PHF7: variants seen among roughly 807,000 people sequenced by gnomAD.
PHF7 encodes E3 ubiquitin-protein ligase PHF7.
A neutral mutation model predicts 47.5 loss-of-function variants in PHF7; 24 were observed. The ratio of observed to expected loss-of-function variants is 0.51; its 90% CI spans 0.37 to 0.71. The LOEUF is 0.71. PHF7 is among the 30% of genes least tolerant of loss of function. The probability of loss-of-function intolerance (pLI) is 0.00; values close to 1 mark genes in which losing one functional copy is unlikely to be tolerated. For missense variants in PHF7, 361 were observed against 456.8 expected (o/e 0.79, Z 1.91); for synonymous variants, 156 against 153.8 (o/e 1.01, Z -0.11).
At position 52,423,398 on chromosome 3, in the gene PHF7, G is replaced by A. The variant is rs1578249330; in HGVS notation, c.*81G>A. 1.2e-6 allele frequency: 1 copy of A among 844,348 alleles called. No individual in the cohort carries two copies. The highest frequency in any genetic ancestry group is 1.9e-6 in the Non-Finnish European group (1 of 524,492). 52.3% of individuals were successfully genotyped at this position (844,348 alleles called of 1,614,324 possible). A position where few individuals can be genotyped will look rare whatever the true frequency, so the allele number is the denominator to read the frequency against. On this transcript the variant is annotated 3_prime_UTR_variant, in exon 11 of 11. Transcript: ENST00000327906. ...TCGGGTTTGGGGAGGGAGCACTCTG[G>A]GACTGTGAGACAAGGAAGCAGGGCC...
rs35944133 is a variant in PHF7 at position 52,421,705 on chromosome 3, A to G, written c.631A>G (p.Lys211Glu). ...FFKCPQCNNR[K>E]EFPQEMLRMG... ...CAAATGTCCACAGTGTAACAATCGA[A>G]AAGAGTTTCCTCAAGAAATGCTGAG... The change falls in exon 8 of 11, where the codon AAA becomes GAA. Residue 211 changes from lysine (K) to glutamate (E), a missense_variant. Coordinates refer to ENST00000327906, the MANE Select transcript of PHF7 (RefSeq NM_016483.7). 2,989 of 1,609,942 alleles carry G rather than the reference A, an allele frequency of 1.9e-3. 62 individuals carry two copies. In the African/African-American group the frequency reaches 0.036, roughly 20 times the overall value.
intron 1 of PHF7, among the ~76,000 whole-genome samples, chr3:52,411,595 T>A (rs1003337297): frequency 1.3e-5 from 2 of 152,190 alleles, no homozygotes; most frequent in Non-Finnish European, 2.9e-5. Context: ...GATACTGGAG[T>A]GTCTCTGGAG....
At chr3:52,412,738 T>C in intron 1 of PHF7, 73 bp from the exon 2 acceptor site, 1 of 681,708 alleles carries the variant, frequency 1.5e-6, no homozygotes, top group Non-Finnish European at 2.6e-6. Context: ...AGTGCACCAT[T>C]GCCTTGACCC....
In PHF7 at chr3:52,421,727, T is replaced by C. The variant is rs569245897; in HGVS notation, c.653T>C (p.Leu218Pro). 1.9e-6 allele frequency: 3 copies of C among 1,600,406 alleles called. No individual in the cohort carries two copies. The highest frequency in any genetic ancestry group is 2.6e-6 in the Non-Finnish European group (3 of 1,167,594). The change falls in exon 8 of 11, where the codon CTG (leucine) becomes CCG (proline). Residue 218 changes from leucine (L) to proline (P), a missense_variant. Leu to Pro is a moderately conservative substitution (Grantham distance 98, BLOSUM62 -3). Coordinates refer to ENST00000327906, the MANE Select transcript of PHF7 (RefSeq NM_016483.7). ...NNRKEFPQEM[L>P]RMGIHIPDRD... ...CGAAAAGAGTTTCCTCAAGAAATGC[T>C]GAGAATGGGAATTCATATTCCAGAC...
Position 52,412,825 on chromosome 3 carries a change from A to T in PHF7, c.-55A>T. ...TATATTTATAGCTGGAAGAGCCTGT[A>T]TTGTCCTCACAATAGTATAGAAGAA... is the stretch of plus-strand genomic sequence containing the variant. On this transcript the variant is annotated 5_prime_UTR_variant, in exon 2 of 11. Transcript: ENST00000327906. 1 of 1,362,938 alleles carries T rather than the reference A, an allele frequency of 7.3e-7. No individual in the cohort carries two copies. The highest frequency in any genetic ancestry group is 1.0e-6 in the Non-Finnish European group (1 of 955,644). 84.4% of individuals were successfully genotyped at this position (1,362,938 alleles called of 1,614,324 possible).
At position 52,422,876 on chromosome 3, in the gene PHF7, C is replaced by T. The variant is rs1291895074; in HGVS notation, c.914C>T (p.Ala305Val). ...TGTGAGGAGTGTTCACCTGCTGCAG[C>T]CACAGGTGAGGCTGGAGGGATGGGC... ...WECEECSPAAATDYIPENSGD... is the reference protein window; with the variant it reads ...WECEECSPAAVTDYIPENSGD... The change falls in exon 10 of 11, where the codon GCC becomes GTC. Residue 305 changes from alanine (A) to valine (V), a missense_variant. Coordinates refer to ENST00000327906, the MANE Select transcript of PHF7 (RefSeq NM_016483.7). 6.2e-7 allele frequency: 1 copy of T among 1,614,082 alleles called. No individual in the cohort carries two copies. The highest frequency in any genetic ancestry group is 1.1e-5 in the South Asian group (1 of 91,078).
At chr3:52,418,300 A>C (rs1449033590) in intron 4 of PHF7, among the ~76,000 whole-genome samples, 1 of 152,228 alleles carries the variant, frequency 6.6e-6, no homozygotes, top group Non-Finnish European at 1.5e-5. Flanking sequence ...TTTTTTACAT[A>C]AAAATTAAAC....
At chr3:52,422,902 C>G (rs377087228) in intron 10 of PHF7, 21 bp downstream of exon 10, 1 of 1,613,848 alleles carries the variant, frequency 6.2e-7, no homozygotes, top group Non-Finnish European at 8.5e-7. Flanking sequence ...AGGGATGGGC[C>G]GGCCTCAGAG....
intron 8 of PHF7, 43 bp from the exon 9 acceptor site, chr3:52,422,179 C>T (rs765006472): frequency 7.4e-7 from 1 of 1,353,144 alleles, no homozygotes; most frequent in South Asian, 1.2e-5. Flanking sequence ...AAAGTTTCAC[C>T]AACCCATTAT....
At chr3:52,421,843 A>C in intron 8 of PHF7, 89 bp downstream of exon 8, 2 of 722,766 alleles carry the variant, frequency 2.8e-6, no homozygotes, top group Non-Finnish European at 2.5e-6. Context: ...AGTTCAGAGA[A>C]TGAGAGCAGC....
chr3:52,415,697 G>A (rs1452029052), intron 4 of PHF7, among the ~76,000 whole-genome samples: 1 of 152,152 alleles, frequency 6.6e-6, no homozygotes, highest in East Asian at 1.9e-4. Flanking sequence ...CATCCATGTT[G>A]TTGCATGCAT....
Position 52,423,371 on chromosome 3 carries a change from C to A in PHF7, c.*54C>A. The A allele has an allele frequency of 8.2e-7, 1 of 1,220,350 alleles. No homozygotes were observed. The highest frequency in any genetic ancestry group is 1.2e-6 in the Non-Finnish European group (1 of 841,596). The allele number at this position is 1,220,350 out of a possible 1,614,324, so 75.6% of individuals were successfully genotyped here. On this transcript the variant is annotated 3_prime_UTR_variant, in exon 11 of 11. Coordinates refer to ENST00000327906, the MANE Select transcript of PHF7 (RefSeq NM_016483.7). ...AATAGGGTATGAAGCTGCGCTCCTC[C>A]ATCGGGTTTGGGGAGGGAGCACTCT...
intron 4 of PHF7, chr3:52,414,844 T>TAA (rs80181327): frequency 3.4e-4 from 36 of 107,400 alleles, no homozygotes; most frequent in South Asian, 1.3e-3. Context: ...ACAAAAAAAT[T>TAA]AAAAAAAAAA....
At chr3:52,415,818 CTA>C (rs1705605624) in intron 4 of PHF7, among the ~76,000 whole-genome samples, 1 of 152,200 alleles carries the variant, frequency 6.6e-6, no homozygotes, top group Non-Finnish European at 1.5e-5. Context: ...CATTTGAGGA[CTA>C]TTATGAATAA....
chr3:52,420,861 A>G (rs369953930), intron 6 of PHF7, 42 bp from the exon 7 acceptor site: 7 of 1,572,984 alleles, frequency 4.5e-6, no homozygotes, highest in Non-Finnish European at 4.3e-6. Flanking sequence ...GGGAAACTAC[A>G]TCAATGACAA....
Position 52,419,818 on chromosome 3 carries a change from C to A in PHF7, c.187-15C>A. On this transcript the variant is annotated splice_polypyrimidine_tract_variant and intron_variant, in intron 4 of 10. Coordinates refer to ENST00000327906, the MANE Select transcript of PHF7 (RefSeq NM_016483.7). ...GATCATCATTGTTAACAGCCTGGTT[C>A]TACTGCCCCCGCAGATCTTATCTAG... The A allele has an allele frequency of 7.1e-7, 1 of 1,409,902 alleles. No homozygotes were observed. The highest frequency in any genetic ancestry group is 1.0e-6 in the Non-Finnish European group (1 of 1,003,218). The allele number at this position is 1,409,902 out of a possible 1,614,324, so 87.3% of individuals were successfully genotyped here. A position where few individuals can be genotyped will look rare whatever the true frequency, so the allele number is the denominator to read the frequency against.
chr3:52,413,884 A>G lies in PHF7; in HGVS notation c.42-112A>G, dbSNP rs185436053. ...AAAAGAAGCTGATGTCTTAGGCTTT[A>G]GATATGTTGGTCCTTCATCAGACCC... On this transcript the variant is annotated intron_variant, in intron 2 of 10. Transcript: ENST00000327906. 5 of 726,606 alleles carry G rather than the reference A, an allele frequency of 6.9e-6. No individual in the cohort carries two copies. In the East Asian group the frequency reaches 1.2e-4, roughly 18 times the overall value. 45.0% of individuals were successfully genotyped at this position (726,606 alleles called of 1,614,324 possible).
chr3:52,416,730 G>C (rs1705637413), intron 4 of PHF7, among the ~76,000 whole-genome samples: 1 of 151,362 alleles, frequency 6.6e-6, no homozygotes, highest in African/African-American at 2.4e-5. Flanking sequence ...CTACTCGGGA[G>C]GCTGAGGCAG....
In PHF7 at chr3:52,413,993, T is replaced by C. The variant is rs757038634; in HGVS notation, c.42-3T>C. ...CCTTGTGCTTCTTATTTCTCTTGTA[T>C]AGAAAATCTGCCAAGACTAGGAGGG... On this transcript the variant is annotated splice_polypyrimidine_tract_variant and splice_region_variant and intron_variant, in intron 2 of 10. Coordinates refer to ENST00000327906, the MANE Select transcript of PHF7 (RefSeq NM_016483.7). The C allele has an allele frequency of 3.8e-6, 6 of 1,598,468 alleles. No individual in the cohort carries two copies. The highest frequency in any genetic ancestry group is 5.1e-6 in the Non-Finnish European group (6 of 1,165,734).
Sources: gnomAD v4.1 joint callset for allele counts (sites outside exome capture counted in the v4.1 genomes callset) on GRCh38, gnomAD v4.1.1 for gene constraint, MANE v1.5 for transcripts, NCBI Gene and HGNC (gene_info 2026-07-23, HGNC 2026-07-21) for gene names.